The following DAB1 variants were observed in gnomAD, a reference collection of about 807,000 sequenced individuals.
DAB1 encodes the protein disabled homolog 1.
Under a neutral mutation model 64.6 loss-of-function variants are expected in DAB1, and 15 were observed. The observed-to-expected ratio is 0.23, with a 90% confidence interval of 0.16 to 0.36. The LOEUF (loss-of-function observed/expected upper bound fraction) is 0.36, where lower values mean the gene tolerates loss of function less well. DAB1 is among the 10% of genes least tolerant of loss of function. The probability of loss-of-function intolerance (pLI) is 1.00; values close to 1 mark genes in which losing one functional copy is unlikely to be tolerated. For missense variants in DAB1, 596 were observed against 706.7 expected, an observed-to-expected ratio of 0.84 and a Z score of 1.78; for synonymous variants, 235 against 251.9, an observed-to-expected ratio of 0.93 and a Z score of 0.64.
intron 4 of DAB1, among the ~76,000 whole-genome samples, chr1:57,097,020 CA>C (rs1654228510): frequency 2.6e-5 from 4 of 152,002 alleles, no homozygotes; most frequent in African/African-American, 4.8e-5. Flanking sequence ...CCCAAGAAGG[CA>C]GGGGTAATAG....
At chr1:58,108,888 G>A (rs374212501) in intron 5 of DAB1, among the ~76,000 whole-genome samples, 1 of 152,220 alleles carries the variant, frequency 6.6e-6, no homozygotes, top group Non-Finnish European at 1.5e-5. Flanking sequence ...CTAGTTTAGA[G>A]AGAGGTGTCT....
intron 5 of DAB1, among the ~76,000 whole-genome samples, chr1:57,981,640 C>G (rs1056039775): frequency 5.3e-5 from 8 of 151,972 alleles, no homozygotes; most frequent in African/African-American, 1.9e-4. Flanking sequence ...TATTTTTTGC[C>G]TGCTTGTGAC....
chr1:57,783,886 G>T (rs1557478955), intron 6 of DAB1, among the ~76,000 whole-genome samples: 1 of 152,116 alleles, frequency 6.6e-6, no homozygotes, highest in Non-Finnish European at 1.5e-5. Flanking sequence ...CCACCAACTG[G>T]TCATTCCCCA....
chr1:57,228,172 C>T (rs1318856601), intron 2 of DAB1, among the ~76,000 whole-genome samples: 3 of 152,188 alleles, frequency 2.0e-5, no homozygotes, highest in Non-Finnish European at 1.5e-5. Flanking sequence ...ATATCTGCAA[C>T]TTTGTTCTCC....
chr1:58,042,317 T>G (rs1325450), intron 5 of DAB1, among the ~76,000 whole-genome samples: 69,628 of 152,044 alleles, frequency 0.46, 16,185 homozygotes, highest in African/African-American at 0.52. Context: ...AAACTGTTTA[T>G]TTTTACTTCT....
At chr1:57,000,157 C>T (rs560384726) in intron 14 of DAB1, among the ~76,000 whole-genome samples, 1 of 151,642 alleles carries the variant, frequency 6.6e-6, no homozygotes, top group African/African-American at 2.4e-5. Flanking sequence ...CATTCTCCTG[C>T]CTCAGCCTCC....
chr1:58,067,449 T>C lies in DAB1; in HGVS notation n.387+83062A>G, dbSNP rs115973503. Among the ~76,000 whole-genome samples the C allele has an allele frequency of 9.8e-3, 1,490 of 152,338 alleles. 19 individuals are homozygous for C. Among genetic ancestry groups the C allele is most frequent in the African/African-American group, 0.034 (1,424 of 41,570 alleles). On this transcript the variant is annotated intron_variant and non_coding_transcript_variant, in intron 5 of 20. Transcript: ENST00000485760. ...CAATGAGATCTCCTTACATAGTTCT[T>C]GTGTGGTTAAGCATTAATGTGTGTA... is the stretch of plus-strand genomic sequence containing the variant.
At chr1:58,049,733 A>G (rs1290508799) in intron 5 of DAB1, among the ~76,000 whole-genome samples, 1 of 152,176 alleles carries the variant, frequency 6.6e-6, no homozygotes, top group Non-Finnish European at 1.5e-5. Context: ...GATACCTCAC[A>G]TTGCAGGATA....
chr1:58,069,257 T>C (rs1040970732), intron 5 of DAB1, among the ~76,000 whole-genome samples: 3 of 152,160 alleles, frequency 2.0e-5, no homozygotes, highest in Non-Finnish European at 4.4e-5. Flanking sequence ...CCAGGCACTG[T>C]TTTAGGTGCT....
chr1:57,460,996 C>G (rs965518335), intron 7 of DAB1, among the ~76,000 whole-genome samples: 1 of 152,200 alleles, frequency 6.6e-6, no homozygotes, highest in African/African-American at 2.4e-5. Context: ...CAACCCATCA[C>G]CTAAGTATTA....
chr1:57,447,572 A>G (rs1244375213), intron 7 of DAB1, among the ~76,000 whole-genome samples: 1 of 152,248 alleles, frequency 6.6e-6, no homozygotes, highest in East Asian at 1.9e-4. Flanking sequence ...AGAAAGGTCA[A>G]TGAAGATCCA....
intron 3 of DAB1, among the ~76,000 whole-genome samples, chr1:58,465,653 C>G (rs1326231546): frequency 1.3e-5 from 2 of 152,118 alleles, no homozygotes; most frequent in African/African-American, 4.8e-5. Context: ...CATTTTGATG[C>G]AGCCCCATCA....
intron 5 of DAB1, among the ~76,000 whole-genome samples, chr1:58,141,370 T>C (rs996746225): frequency 1.3e-5 from 2 of 152,080 alleles, no homozygotes; most frequent in Admixed American, 1.3e-4. Flanking sequence ...CTCGTGAGAC[T>C]TATTCACTAT....
chr1:57,888,256 T>C (rs542812451), upstream of DAB1, among the ~76,000 whole-genome samples: 4 of 152,270 alleles, frequency 2.6e-5, no homozygotes, highest in East Asian at 7.7e-4. Context: ...CAGATAAAAA[T>C]GCACATTCAC....
intron 3 of DAB1, among the ~76,000 whole-genome samples, chr1:58,465,823 T>A (rs1292558996): frequency 6.6e-6 from 1 of 152,082 alleles, no homozygotes; most frequent in Non-Finnish European, 1.5e-5. Flanking sequence ...ACGAGGAAAC[T>A]GGGGGGTTCA....
upstream of DAB1, among the ~76,000 whole-genome samples, chr1:57,886,164 T>C (rs1008186150): frequency 1.4e-4 from 15 of 106,406 alleles, no homozygotes; most frequent in Non-Finnish European, 3.6e-5. Flanking sequence ...CCTACTATTC[T>C]TTTTTTTTTT....
intron 5 of DAB1, among the ~76,000 whole-genome samples, chr1:57,953,252 T>C (rs558668662): frequency 6.6e-6 from 1 of 152,318 alleles, no homozygotes; most frequent in Admixed American, 6.5e-5. Context: ...CAAATACTTC[T>C]GGGAGGCAAG....
intron 4 of DAB1, among the ~76,000 whole-genome samples, chr1:58,219,498 C>A (rs1244009102): frequency 6.6e-6 from 1 of 152,192 alleles, no homozygotes; most frequent in East Asian, 1.9e-4. Context: ...AACCTCTGGG[C>A]CCCTTCTCCC....
intron 6 of DAB1, among the ~76,000 whole-genome samples, chr1:57,672,330 G>GT (rs1646519099): frequency 6.6e-6 from 1 of 152,166 alleles, no homozygotes; most frequent in Non-Finnish European, 1.5e-5. Context: ...ATGGTATGTA[G>GT]TTAATATCAT....
Sources: gnomAD v4.1 joint callset for allele counts (sites outside exome capture counted in the v4.1 genomes callset) on GRCh38, gnomAD v4.1.1 for gene constraint, MANE v1.5 for transcripts, NCBI Gene and HGNC (gene_info 2026-07-23, HGNC 2026-07-21) for gene names.